Variants in ADAM2 observed in about 807,000 individuals in gnomAD.
ADAM2 encodes ADAM metallopeptidase domain 2.
In ADAM2, 101 loss-of-function variants were observed where a neutral mutation model predicts 99.3. That is an observed-to-expected ratio of 1.02 (90% CI 0.87 to 1.20). ADAM2 has a LOEUF of 1.20. Ranked by LOEUF, ADAM2 falls within the 50% of genes most tolerant of loss-of-function variation. The pLI is 0.00. For missense variants in ADAM2, 948 were observed against 878.7 expected, an observed-to-expected ratio of 1.08 and a Z score of -1.00; for synonymous variants, 323 against 287.6, an observed-to-expected ratio of 1.12 and a Z score of -1.25.
At chr8:39,820,949 G>T in intron 6 of ADAM2, 53 bp downstream of exon 6, 1 of 1,145,624 alleles carries the variant, frequency 8.7e-7, no homozygotes, top group Non-Finnish European at 1.2e-6. Flanking sequence ...AAATTTCAGT[G>T]CTTACATTGC....
chr8:39,819,099 GA>G (rs1805068676), intron 6 of ADAM2, among the ~76,000 whole-genome samples: 1 of 152,026 alleles, frequency 6.6e-6, no homozygotes, highest in Non-Finnish European at 1.5e-5. Flanking sequence ...TAAGAATATT[GA>G]AGGATGTACA....
chr8:39,820,922 T>G (rs1805151707), intron 6 of ADAM2, 80 bp downstream of exon 6: 2 of 904,852 alleles, frequency 2.2e-6, no homozygotes. Context: ...TGTGTAAATA[T>G]GTAATTTATC....
chr8:39,791,668 C>T (rs971216327), intron 7 of ADAM2, among the ~76,000 whole-genome samples: 1 of 151,994 alleles, frequency 6.6e-6, no homozygotes, highest in African/African-American at 2.4e-5. Flanking sequence ...GTTCAAGGTC[C>T]TTTTGTGTTG....
chr8:39,819,250 A>G (rs186489431), intron 6 of ADAM2, among the ~76,000 whole-genome samples: 1 of 152,190 alleles, frequency 6.6e-6, no homozygotes, highest in African/African-American at 2.4e-5. Flanking sequence ...CTGATCTTTG[A>G]AAAAAATCAA....
At chr8:39,797,589 T>C (rs75608595) in intron 7 of ADAM2, among the ~76,000 whole-genome samples, 1 of 152,224 alleles carries the variant, frequency 6.6e-6, no homozygotes, top group Non-Finnish European at 1.5e-5. Context: ...GTGAAGAATG[T>C]CAATGGTAGT....
rs371959932 is a variant in ADAM2, at chr8:39,824,814, C to A, written c.267+5G>T. On this transcript the variant is annotated splice_donor_5th_base_variant and intron_variant, in intron 4 of 20. Coordinates refer to ENST00000265708, the MANE Select transcript of ADAM2 (RefSeq NM_001464.5). The stretch of plus-strand genomic sequence containing the variant: ...CAAAAATAAAAGAGATCATAAAAAA[C>A]ATACCTGAAAATCTTGGTCAAGTGG... 3 of 1,496,168 alleles carry A rather than the reference C, an allele frequency of 2.0e-6. No individual in the cohort carries two copies. The highest frequency in any genetic ancestry group is 2.8e-6 in the Non-Finnish European group (3 of 1,081,076). 92.7% of individuals were successfully genotyped at this position (1,496,168 alleles called of 1,614,324 possible). A position where few individuals can be genotyped will look rare whatever the true frequency, so the allele number is the denominator to read the frequency against.
chr8:39,826,586 G>C (rs1430212917), intron 3 of ADAM2, among the ~76,000 whole-genome samples: 1 of 152,016 alleles, frequency 6.6e-6, no homozygotes, highest in African/African-American at 2.4e-5. Context: ...AGCCAGGCAT[G>C]GTGGTGGGCG....
chr8:39,769,974 T>G (rs1277692940), intron 11 of ADAM2, among the ~76,000 whole-genome samples: 2 of 137,702 alleles, frequency 1.5e-5, no homozygotes, highest in African/African-American at 2.7e-5. Flanking sequence ...TGAGACGGAG[T>G]CTCACTCTGT....
At chr8:39,803,100 A>C (rs2129586535) in intron 7 of ADAM2, among the ~76,000 whole-genome samples, 1 of 152,312 alleles carries the variant, frequency 6.6e-6, no homozygotes, top group Non-Finnish European at 1.5e-5. Context: ...AAGATCGACC[A>C]TGGATCCTGA....
At chr8:39,803,424 G>T (rs1804298105) in intron 7 of ADAM2, among the ~76,000 whole-genome samples, 1 of 152,066 alleles carries the variant, frequency 6.6e-6, no homozygotes, top group South Asian at 2.1e-4. Context: ...CAATCCCAAG[G>T]TGCCCAGTCA....
At chr8:39,813,978 GA>G (rs1026439054) in intron 6 of ADAM2, among the ~76,000 whole-genome samples, 75 of 147,238 alleles carry the variant, frequency 5.1e-4, no homozygotes, top group Middle Eastern at 3.6e-3. Flanking sequence ...AAGGTGGGCA[GA>G]AAAAAAAAAG....
chr8:39,780,133 T>A (rs1803157663), intron 10 of ADAM2, among the ~76,000 whole-genome samples: 1 of 152,036 alleles, frequency 6.6e-6, no homozygotes, highest in Admixed American at 6.6e-5. Flanking sequence ...CAAAGGCACA[T>A]CTTACATGGT....
chr8:39,753,429 A>G (rs148034857), intron 16 of ADAM2, among the ~76,000 whole-genome samples: 63 of 152,190 alleles, frequency 4.1e-4, no homozygotes, highest in African/African-American at 1.4e-3. Flanking sequence ...TGCAATAGAA[A>G]AAAAAAAAAC....
intron 7 of ADAM2, among the ~76,000 whole-genome samples, chr8:39,802,290 G>A (rs117709510): frequency 1.3e-5 from 2 of 152,118 alleles, no homozygotes; most frequent in South Asian, 2.1e-4. Context: ...CCTTCTTTCC[G>A]TGGGTCATGC....
intron 6 of ADAM2, among the ~76,000 whole-genome samples, chr8:39,820,571 C>T (rs1032906619): frequency 4.6e-5 from 7 of 152,074 alleles, no homozygotes; most frequent in Non-Finnish European, 7.4e-5. Context: ...TATTAAATAA[C>T]CCTGAATCCC....
At position 39,833,940 on chromosome 8, in the gene ADAM2, C is replaced by A; in HGVS notation, c.188+4G>T. On this transcript the variant is annotated splice_donor_region_variant and intron_variant, in intron 3 of 20. Coordinates refer to ENST00000265708, the MANE Select transcript of ADAM2 (RefSeq NM_001464.5). ...GAATTGATAAAATAATGATGATTAC[C>A]TACTTTTGCATTAAATTCACAGTAT... The A allele has an allele frequency of 6.8e-7, 1 of 1,466,244 alleles. No homozygotes were observed. The highest frequency in any genetic ancestry group is 9.5e-7 in the Non-Finnish European group (1 of 1,050,268). The allele number at this position is 1,466,244 out of a possible 1,614,324, so 90.8% of individuals were successfully genotyped here. A position where few individuals can be genotyped will look rare whatever the true frequency, so the allele number is the denominator to read the frequency against.
intron 7 of ADAM2, among the ~76,000 whole-genome samples, chr8:39,797,771 G>C (rs1241262332): frequency 6.6e-6 from 1 of 152,006 alleles, no homozygotes; most frequent in Non-Finnish European, 1.5e-5. Flanking sequence ...TTTGTTAGCT[G>C]TATTCCTAGG....
intron 7 of ADAM2, among the ~76,000 whole-genome samples, chr8:39,789,898 C>A (rs1803629904): frequency 6.6e-6 from 1 of 151,602 alleles, no homozygotes. Flanking sequence ...GACATTTCTC[C>A]AAATAAGATA....
At position 39,744,835 on chromosome 8, in the gene ADAM2, T is replaced by C. The variant is rs1823383121; in HGVS notation, c.*25A>G. 6.3e-7 allele frequency: 1 copy of C among 1,579,964 alleles called. No individual in the cohort carries two copies. Among genetic ancestry groups the C allele is most frequent in the Admixed American group, 1.8e-5 (1 of 54,278 alleles). On this transcript the variant is annotated 3_prime_UTR_variant, in exon 20 of 21. Transcript: ENST00000265708. ...AAAAAATGAAAGAAACTCACAGTGA[T>C]ATCATGGCATCTCTGTTGTCCAGAC... is the stretch of plus-strand genomic sequence containing the variant.
Sources: gnomAD v4.1 joint callset for allele counts (sites outside exome capture counted in the v4.1 genomes callset) on GRCh38, gnomAD v4.1.1 for gene constraint, MANE v1.5 for transcripts, NCBI Gene and HGNC (gene_info 2026-07-23, HGNC 2026-07-21) for gene names.